Variants in CTDP1 observed in about 807,000 individuals in gnomAD.
CTDP1 encodes RNA polymerase II subunit A C-terminal domain phosphatase.
In CTDP1, 47 loss-of-function variants were observed where a neutral mutation model predicts 91.8. The observed-to-expected ratio is 0.51, with a 90% CI of 0.41 to 0.65. The LOEUF is 0.65. Among genes scored for constraint, CTDP1 ranks in the 30% least tolerant of loss-of-function variants. The pLI is 0.00. For synonymous variants in CTDP1, 656 were observed against 598.5 expected (o/e 1.10, Z -1.40); for missense variants, 1,272 against 1,373.7 (o/e 0.93, Z 1.17).
intron 10 of CTDP1, among the ~76,000 whole-genome samples, chr18:79,719,272 G>A (rs1026687409): frequency 6.6e-6 from 1 of 152,196 alleles, no homozygotes; most frequent in Non-Finnish European, 1.5e-5. Flanking sequence ...AGGTCATGGT[G>A]GAGAGTGTTG....
chr18:79,728,201 G>A (rs184354480), intron 10 of CTDP1, among the ~76,000 whole-genome samples: 2 of 152,214 alleles, frequency 1.3e-5, no homozygotes, highest in African/African-American at 4.8e-5. Context: ...CCAGGTTCAA[G>A]CGATTCTCCT....
chr18:79,730,459 TTC>T (rs1402157750), intron 11 of CTDP1, among the ~76,000 whole-genome samples: 1 of 138,220 alleles, frequency 7.2e-6, no homozygotes, highest in East Asian at 2.1e-4. Flanking sequence ...TGACAACTGG[TTC>T]TTAATGGTTG....
At chr18:79,679,723 G>GGCCCCGCGCGGCGCTCGTAT (rs1366038354), upstream of CTDP1, 8 of 508,994 alleles carry the variant, frequency 1.6e-5, no homozygotes, top group African/African-American at 5.9e-5. Flanking sequence ...AGCCGGCTCC[G>GGCCCCGCGCGGCGCTCGTAT]GCCCCGCGCG....
chr18:79,720,687 G>GGTT (rs563730217), intron 10 of CTDP1, among the ~76,000 whole-genome samples: 91 of 152,302 alleles, frequency 6.0e-4, no homozygotes, highest in Non-Finnish European at 9.6e-4. Context: ...GGGCTGGTTG[G>GGTT]GTTTTTAATA....
intron 1 of CTDP1, among the ~76,000 whole-genome samples, chr18:79,692,235 C>T (rs1303116253): frequency 3.3e-5 from 5 of 152,046 alleles, no homozygotes; most frequent in South Asian, 4.1e-4. Flanking sequence ...GTTTGTCAGC[C>T]GTTGATCCAT....
chr18:79,697,332 CG>C (rs147742944), intron 3 of CTDP1, among the ~76,000 whole-genome samples: 18,908 of 152,216 alleles, frequency 0.12, 1,531 homozygotes, highest in Non-Finnish European at 0.18. Flanking sequence ...CCGGGGTGAC[CG>C]GGCCCTTGTT....
Position 79,753,899 on chromosome 18 carries a change from G to A in CTDP1, c.*109G>A. 1 of 1,435,956 alleles carries A rather than the reference G, an allele frequency of 7.0e-7. No individual in the cohort carries two copies. Among genetic ancestry groups the A allele is most frequent in the South Asian group, 1.2e-5 (1 of 80,760 alleles). The allele number at this position is 1,435,956 out of a possible 1,614,324, so 89.0% of individuals were successfully genotyped here. A position where few individuals can be genotyped will look rare whatever the true frequency, so the allele number is the denominator to read the frequency against. ...ACGCTGCTTTCTTCCCAAAGGACAT[G>A]TATATTTGCAGAGCTCCACATACAG... is the stretch of plus-strand genomic sequence containing the variant. On this transcript the variant is annotated 3_prime_UTR_variant, in exon 13 of 13. Coordinates refer to ENST00000613122, the MANE Select transcript of CTDP1 (RefSeq NM_004715.5).
chr18:79,753,903 A>G lies in CTDP1; in HGVS notation c.*113A>G. ...TGCTTTCTTCCCAAAGGACATGTAT[A>G]TTTGCAGAGCTCCACATACAGAAAC... is the stretch of plus-strand genomic sequence containing the variant. On this transcript the variant is annotated 3_prime_UTR_variant, in exon 13 of 13. Coordinates refer to ENST00000613122, the MANE Select transcript of CTDP1 (RefSeq NM_004715.5). 3 of 1,392,422 alleles carry G rather than the reference A, an allele frequency of 2.2e-6. No homozygotes were observed. The highest frequency in any genetic ancestry group is 2.5e-5 in the East Asian group (1 of 39,878). 86.3% of individuals were successfully genotyped at this position (1,392,422 alleles called of 1,614,324 possible).
chr18:79,701,067 T>C (rs2085846749), intron 4 of CTDP1, among the ~76,000 whole-genome samples: 2 of 152,204 alleles, frequency 1.3e-5, no homozygotes, highest in Admixed American at 1.3e-4. Context: ...TAAGAAATAT[T>C]CCTGCTCATT....
intron 11 of CTDP1, among the ~76,000 whole-genome samples, chr18:79,731,064 C>T (rs1193255012): frequency 6.6e-6 from 1 of 151,980 alleles, no homozygotes; most frequent in Non-Finnish European, 1.5e-5. Context: ...CCATTGCCTG[C>T]ACCCCCCCGT....
chr18:79,737,575 C>T (rs1191058548), intron 12 of CTDP1, among the ~76,000 whole-genome samples: 1 of 152,092 alleles, frequency 6.6e-6, no homozygotes, highest in Non-Finnish European at 1.5e-5. Context: ...GACATCTTTT[C>T]TCAGGTTGGT....
chr18:79,756,578 GAAT>G (rs2087095638), downstream of CTDP1: 1 of 152,220 alleles, frequency 6.6e-6, no homozygotes, highest in Admixed American at 6.5e-5. Flanking sequence ...ATTAAATACT[GAAT>G]AATTATACAA....
intron 12 of CTDP1, among the ~76,000 whole-genome samples, chr18:79,751,388 G>A (rs1043703451): frequency 6.3e-4 from 96 of 152,136 alleles, no homozygotes; most frequent in Non-Finnish European, 1.1e-3. Context: ...GTCATCCTAC[G>A]GCCCAGTGCC....
chr18:79,715,011 C>G lies in CTDP1; in HGVS notation c.1551C>G (p.Ala517=). The G allele has an allele frequency of 1.3e-6, 2 of 1,593,228 alleles. No individual in the cohort carries two copies. The highest frequency in any genetic ancestry group is 2.3e-5 in the South Asian group (2 of 88,288). ...CAGCACCGAGTCTCCCCGGAGAGGC[C>G]GAGCCTGGCGCGCATGCCCCGGACA... The part of the protein sequence containing the change: ...RPAAPSLPGE[A]EPGAHAPDKE... Residue 517 remains alanine (A), a synonymous_variant, in exon 8 of 13, where the codon GCC becomes GCG. Transcript: ENST00000613122.
chr18:79,687,665 T>C (rs1266407245), intron 1 of CTDP1, among the ~76,000 whole-genome samples: 1 of 151,618 alleles, frequency 6.6e-6, no homozygotes, highest in African/African-American at 2.4e-5. Flanking sequence ...AGTTCACTGG[T>C]GGGCCTGCAC....
chr18:79,694,342 G>A lies in CTDP1; in HGVS notation c.315-883G>A, dbSNP rs55794428. On this transcript the variant is annotated intron_variant, in intron 1 of 12. Transcript: ENST00000613122. Reference sequence around the variant, plus strand: ...GTGGTCGGAGCAGCCCAGCTGGGACGGGAGTGTGGGGGTTGCGAGCTCCTA... The same window carrying A: ...GTGGTCGGAGCAGCCCAGCTGGGACAGGAGTGTGGGGGTTGCGAGCTCCTA... 1.7e-4 allele frequency among the ~76,000 whole-genome samples: 18 copies of A among 104,410 alleles called. 3 individuals carry two copies. Among genetic ancestry groups the A allele is most frequent in the Admixed American group, 4.9e-4 (5 of 10,104 alleles). 68.5% of individuals were successfully genotyped at this position (104,410 alleles called of 152,430 possible). A position where few individuals can be genotyped will look rare whatever the true frequency, so the allele number is the denominator to read the frequency against.
chr18:79,734,553 C>T lies in CTDP1; in HGVS notation c.2581-1802C>T, dbSNP rs535426301. ...CTGCCCTGCCTCACCAGCGTTGGCACGGACGTCTGAGGCCCTCCCAGGTGG... is the reference window on the plus strand; with the variant it reads ...CTGCCCTGCCTCACCAGCGTTGGCATGGACGTCTGAGGCCCTCCCAGGTGG... On this transcript the variant is annotated intron_variant, in intron 11 of 12. Coordinates refer to ENST00000613122, the MANE Select transcript of CTDP1 (RefSeq NM_004715.5). 7.3e-5 allele frequency among the ~76,000 whole-genome samples: 11 copies of T among 151,202 alleles called. No individual in the cohort carries two copies. The East Asian group carries it at 1.4e-3, about 19-fold the overall frequency.
rs950840262 is a variant in CTDP1 at position 79,714,354 on chromosome 18, C to T, written c.1031-137C>T. 7 of 987,334 alleles carry T rather than the reference C, an allele frequency of 7.1e-6. No homozygotes were observed. In the African/African-American group the frequency reaches 9.6e-5, roughly 14 times the overall value. 61.2% of individuals were successfully genotyped at this position (987,334 alleles called of 1,614,324 possible). ...GGGTGCTCACCCTGTCCGGCCTCTTCACAGCAAGGTTGCCAAGGCCTGGTC... is the reference window on the plus strand; with the variant it reads ...GGGTGCTCACCCTGTCCGGCCTCTTTACAGCAAGGTTGCCAAGGCCTGGTC... On this transcript the variant is annotated intron_variant, in intron 7 of 12. Transcript: ENST00000613122.
chr18:79,695,261 G>T lies in CTDP1; in HGVS notation c.351G>T (p.Pro117=), dbSNP rs139441883. 1.9e-6 allele frequency: 3 copies of T among 1,614,140 alleles called. No homozygotes were observed. The highest frequency in any genetic ancestry group is 1.7e-5 in the Admixed American group (1 of 60,012). ...VLVRLEGCSH[P]VVMKGLCAEC... ...TGAGGTTGGAAGGATGCAGCCACCCGGTTGTCATGAAAGGCCTGTGTGCTG... is the reference window on the plus strand; with the variant it reads ...TGAGGTTGGAAGGATGCAGCCACCCTGTTGTCATGAAAGGCCTGTGTGCTG... The change falls in exon 2 of 13, where the codon CCG becomes CCT. Residue 117 remains proline (P), a synonymous_variant. Coordinates refer to ENST00000613122, the MANE Select transcript of CTDP1 (RefSeq NM_004715.5).
Sources: gnomAD v4.1 joint callset for allele counts (sites outside exome capture counted in the v4.1 genomes callset) on GRCh38, gnomAD v4.1.1 for gene constraint, MANE v1.5 for transcripts, NCBI Gene and HGNC (gene_info 2026-07-23, HGNC 2026-07-21) for gene names.